Variants in SOHLH1 observed in about 807,000 individuals in gnomAD.
The protein encoded by SOHLH1 is spermatogenesis- and oogenesis-specific basic helix-loop-helix-containing protein 1.
Under a neutral mutation model 36.2 loss-of-function variants are expected in SOHLH1, and 23 were observed. That is an observed-to-expected ratio of 0.64 (90% CI 0.46 to 0.90). SOHLH1 has a LOEUF of 0.90. Among genes scored for constraint, SOHLH1 ranks in the 40% least tolerant of loss-of-function variants. SOHLH1 has a pLI of 0.00. For missense variants in SOHLH1, 608 were observed against 517.0 expected, an observed-to-expected ratio of 1.18 and a Z score of -1.71; for synonymous variants, 289 against 228.3, an observed-to-expected ratio of 1.27 and a Z score of -2.40.
At chr9:135,700,118 C>T (rs1268280704), upstream of SOHLH1, among the ~76,000 whole-genome samples, 4 of 152,178 alleles carry the variant, frequency 2.6e-5, no homozygotes, top group Non-Finnish European at 5.9e-5. Flanking sequence ...TGAGCTCTGC[C>T]GGGCACCCTC....
At chr9:135,698,610 C>T in intron 2 of SOHLH1, 134 bp from the exon 3 acceptor site, 4 of 1,304,106 alleles carry the variant, frequency 3.1e-6, no homozygotes, top group South Asian at 1.3e-5. Context: ...CTCAGAGCTG[C>T]CCCCGTGGTC....
rs771082151 is a variant in SOHLH1 at position 135,693,667 on chromosome 9, T to G, written c.1094A>C (p.Asp365Ala). The part of the protein sequence containing the change: ...QDSPLEPWGL[D>A]VDCAGLALKD... ...CAGGGCCAGGCCTGCACAGTCCACATCCAGGCCCCACGGCTCCAGAGGGCT... is the reference window on the plus strand; with the variant it reads ...CAGGGCCAGGCCTGCACAGTCCACAGCCAGGCCCCACGGCTCCAGAGGGCT... The change falls in exon 8 of 8, where the codon GAT becomes GCT. Residue 365 changes from aspartate (D) to alanine (A), a missense_variant. By Grantham distance (126) the Asp-to-Ala change is moderately radical. Transcript: ENST00000425225. 6.3e-7 allele frequency: 1 copy of G among 1,587,056 alleles called. No homozygotes were observed. Among genetic ancestry groups the G allele is most frequent in the South Asian group, 1.2e-5 (1 of 86,544 alleles).
chr9:135,699,284 C>G, intron 1 of SOHLH1, 119 bp downstream of exon 1: 1 of 1,494,232 alleles, frequency 6.7e-7, no homozygotes. Context: ...TCCCCTCTCC[C>G]AGGGTCCAGG....
At chr9:135,700,365 C>T (rs1057179046), upstream of SOHLH1, among the ~76,000 whole-genome samples, 6 of 151,912 alleles carry the variant, frequency 3.9e-5, no homozygotes, top group Non-Finnish European at 7.4e-5. Flanking sequence ...GGGGGGATGA[C>T]GGAGGGAAGG....
At chr9:135,698,054 T>C (rs1834879086) in intron 3 of SOHLH1, among the ~76,000 whole-genome samples, 1 of 151,884 alleles carries the variant, frequency 6.6e-6, no homozygotes, top group Admixed American at 6.6e-5. Context: ...TCCCCCAAAT[T>C]GGCACGGAGC....
rs1156732713 is a variant in SOHLH1 at position 135,697,517 on chromosome 9, G to A, written c.456C>T (p.Ser152=). ...CAGGAGACACTAACCGAGTCCCGCTGGACGCTCCCGTCCCAGGGTCTGGCA... is the reference window on the plus strand; with the variant it reads ...CAGGAGACACTAACCGAGTCCCGCTAGACGCTCCCGTCCCAGGGTCTGGCA... The part of the protein sequence containing the change: ...AGVPDPGTGA[S]SGTRTPDVKA... The change falls in exon 4 of 8, where the codon TCC becomes TCT. Residue 152 remains serine, a synonymous_variant. Transcript: ENST00000425225. The A allele has an allele frequency of 1.9e-6, 3 of 1,611,228 alleles. No homozygotes were observed. The highest frequency in any genetic ancestry group is 4.5e-5 in the East Asian group (2 of 44,870).
intron 5 of SOHLH1, among the ~76,000 whole-genome samples, chr9:135,696,260 G>A (rs1834794421): frequency 1.3e-5 from 2 of 152,120 alleles, no homozygotes; most frequent in South Asian, 2.1e-4. Flanking sequence ...GCAGACCCAG[G>A]GACCCAGGGA....
Position 135,698,870 on chromosome 9 carries a change from CCTT to C in SOHLH1, c.197+122_197+124del, listed in dbSNP as rs1199715096. 5 of 1,365,168 alleles carry C rather than the reference CCTT, an allele frequency of 3.7e-6. No individual in the cohort carries two copies. The African/African-American group carries it at 7.1e-5, about 19-fold the overall frequency. The allele number at this position is 1,365,168 out of a possible 1,614,324, so 84.6% of individuals were successfully genotyped here. ...GTTTACTTGGAGATGTGCAGTCTGT[CCTT>C]CTCCTGGGCACAGGCCACGAGCCCC... On this transcript the variant is annotated intron_variant, in intron 2 of 7. Transcript: ENST00000425225.
rs776219266 is a variant in SOHLH1, at chr9:135,697,614, G to A, written c.359C>T (p.Ser120Phe). The A allele has an allele frequency of 3.1e-6, 5 of 1,611,848 alleles. No homozygotes were observed. Among genetic ancestry groups the A allele is most frequent in the South Asian group, 1.1e-5 (1 of 91,004 alleles). ...SQEQHAILAS[S>F]KEMWHSLQED... The stretch of plus-strand genomic sequence containing the variant: ...CTGCAACGAGTGCCACATTTCCTTG[G>A]AGGAAGCAAGAATCTGAAATTTAAG... The change falls in exon 4 of 8, where the codon TCC (serine) becomes TTC (phenylalanine). Residue 120 changes from serine (S) to phenylalanine (F), a missense_variant. Ser to Phe is a radical substitution (Grantham distance 155). Transcript: ENST00000425225.
chr9:135,697,044 G>A (rs1449603582), intron 4 of SOHLH1, among the ~76,000 whole-genome samples: 1 of 152,170 alleles, frequency 6.6e-6, no homozygotes, highest in African/African-American at 2.4e-5. Context: ...TTAGCCACCA[G>A]TCCCATGCCC....
rs377678251 is a variant in SOHLH1 at position 135,693,549 on chromosome 9, G to A, written c.*48C>T. 56 of 1,516,796 alleles carry A rather than the reference G, an allele frequency of 3.7e-5. 2 individuals carry two copies. The highest frequency in any genetic ancestry group is 2.9e-4 in the Admixed American group (14 of 48,864). 94.0% of individuals were successfully genotyped at this position (1,516,796 alleles called of 1,614,324 possible). A position where few individuals can be genotyped will look rare whatever the true frequency, so the allele number is the denominator to read the frequency against. ...CCAAGCACGCGACAGGGACACACACGGCTCCAGATCCACCGGCCCCGCCCG... is the reference window on the plus strand; with the variant it reads ...CCAAGCACGCGACAGGGACACACACAGCTCCAGATCCACCGGCCCCGCCCG... On this transcript the variant is annotated 3_prime_UTR_variant, in exon 8 of 8. Transcript: ENST00000425225.
chr9:135,693,978 C>T, intron 7 of SOHLH1, 164 bp from the exon 8 acceptor site: 1 of 1,430,338 alleles, frequency 7.0e-7, no homozygotes, highest in Non-Finnish European at 9.1e-7. Context: ...ACCTGGTGGC[C>T]CCAGACCCAG....
rs556508667 is a variant in SOHLH1, at chr9:135,695,090, C to G, written c.835G>C (p.Glu279Gln). The stretch of plus-strand genomic sequence containing the variant: ...AGCATGGGGTCCTCCTTGGCTGGCT[C>G]CCCCAGAGGTGCAGCCCCCATGGCC... ...PLAMGAAPLG[E>Q]PAKEDPMLAQ... Residue 279 changes from glutamate (E) to glutamine (Q), a missense_variant, in exon 6 of 8, where the codon GAG becomes CAG. By Grantham distance (29) the Glu-to-Gln change is conservative (BLOSUM62 2). Coordinates refer to ENST00000425225, the MANE Select transcript of SOHLH1 (RefSeq NM_001101677.2). The G allele has an allele frequency of 6.3e-7, 1 of 1,598,222 alleles. No homozygotes were observed. The highest frequency in any genetic ancestry group is 2.3e-5 in the East Asian group (1 of 44,122).
Position 135,694,373 on chromosome 9 carries a change from A to G in SOHLH1, c.946+14T>C. On this transcript the variant is annotated intron_variant, in intron 7 of 7. Transcript: ENST00000425225. Reference sequence around the variant, plus strand: ...ACGCGGGGGGACCAGCCCTGAACCCAGGGCCCCACTCACCCGGCCACGAGC... The same window carrying G: ...ACGCGGGGGGACCAGCCCTGAACCCGGGGCCCCACTCACCCGGCCACGAGC... 1 of 1,612,868 alleles carries G rather than the reference A, an allele frequency of 6.2e-7. No individual in the cohort carries two copies. The highest frequency in any genetic ancestry group is 8.5e-7 in the Non-Finnish European group (1 of 1,179,920).
upstream of SOHLH1, among the ~76,000 whole-genome samples, chr9:135,701,597 T>G (rs1835036699): frequency 6.6e-6 from 1 of 152,150 alleles, no homozygotes; most frequent in South Asian, 2.1e-4. Context: ...CCCACCCGTC[T>G]AAAGGTGCTG....
In SOHLH1 at chr9:135,699,000, C is replaced by T; in HGVS notation, c.192G>A (p.Glu64=). The change falls in exon 2 of 8, where the codon GAG becomes GAA. Residue 64 remains glutamate (E), a synonymous_variant. Transcript: ENST00000425225. The part of the protein sequence containing the change: ...CLRRNVISER[E]RRKRMSLSCE... ...TGGGAGGCACCACCACTCACCTGCG[C>T]TCCCTCTCGCTGATCACGTTCCGCC... 6.2e-7 allele frequency: 1 copy of T among 1,611,476 alleles called. No homozygotes were observed. The highest frequency in any genetic ancestry group is 8.5e-7 in the Non-Finnish European group (1 of 1,179,738).
At chr9:135,697,058 C>G (rs1271479993) in intron 4 of SOHLH1, among the ~76,000 whole-genome samples, 1 of 152,208 alleles carries the variant, frequency 6.6e-6, no homozygotes, top group Non-Finnish European at 1.5e-5. Context: ...CATGCCCCAG[C>G]CTGCTTTGGG....
intron 7 of SOHLH1, 109 bp from the exon 8 acceptor site, chr9:135,693,923 CCT>C: frequency 6.8e-7 from 1 of 1,461,074 alleles, no homozygotes; most frequent in Admixed American, 2.3e-5. Flanking sequence ...TCTGCCCTGC[CCT>C]GTCCCCGCTG....
intron 3 of SOHLH1, among the ~76,000 whole-genome samples, chr9:135,697,890 T>C (rs1369332437): frequency 1.3e-5 from 2 of 152,038 alleles, no homozygotes; most frequent in Non-Finnish European, 2.9e-5. Flanking sequence ...GACAACACAG[T>C]TTCATTCCCC....
Sources: gnomAD v4.1 joint callset for allele counts (sites outside exome capture counted in the v4.1 genomes callset) on GRCh38, gnomAD v4.1.1 for gene constraint, MANE v1.5 for transcripts, NCBI Gene and HGNC (gene_info 2026-07-23, HGNC 2026-07-21) for gene names.